The following ZNF496 variants were observed in gnomAD, a reference collection of about 807,000 sequenced individuals.
ZNF496 encodes the protein NSD1 (nuclear receptor binding SET-domain containing 1)-interacting zinc finger protein 1.
ZNF496 carries 11 observed loss-of-function variants against 58.9 expected under a neutral mutation model. The ratio of observed to expected loss-of-function variants is 0.19; its 90% CI spans 0.12 to 0.31. ZNF496 has a LOEUF of 0.31. Among genes scored for constraint, ZNF496 ranks in the 10% least tolerant of loss-of-function variants. ZNF496 has a pLI of 1.00. For synonymous variants in ZNF496, 338 were observed against 318.2 expected, an observed-to-expected ratio of 1.06 and a Z score of -0.66; for missense variants, 660 against 783.0, an observed-to-expected ratio of 0.84 and a Z score of 1.88.
intron 6 of ZNF496, among the ~76,000 whole-genome samples, chr1:247,315,988 A>G (rs979550661): frequency 6.6e-6 from 1 of 152,186 alleles, no homozygotes; most frequent in Admixed American, 6.5e-5. Context: ...AATCCAAAAC[A>G]GGCCTCGGGA....
chr1:247,304,779 G>T (rs1484635188), intron 9 of ZNF496, among the ~76,000 whole-genome samples: 1 of 152,150 alleles, frequency 6.6e-6, no homozygotes, highest in East Asian at 1.9e-4. Flanking sequence ...TCTCACAGTT[G>T]TATTTTGGAA....
intron 6 of ZNF496, among the ~76,000 whole-genome samples, chr1:247,320,908 CTCACGCCTGTAA>C (rs1168290426): frequency 6.6e-6 from 1 of 152,174 alleles, no homozygotes; most frequent in African/African-American, 2.4e-5. Context: ...GGCATGGTGG[CTCACGCCTGTAA>C]TCCCAGCACT....
intron 9 of ZNF496, among the ~76,000 whole-genome samples, chr1:247,302,112 G>A (rs539790893): frequency 2.4e-4 from 37 of 152,208 alleles, no homozygotes; most frequent in African/African-American, 8.9e-4. Flanking sequence ...CACCATACAG[G>A]TGGCCTGTTT....
rs753571282 is a variant in ZNF496 at position 247,309,648 on chromosome 1, C to A, written c.892+51G>T. The stretch of plus-strand genomic sequence containing the variant: ...AGAGAGTGGGCTCACCTCCGGCTGC[C>A]AGCAACCCTTCCCCCTACTCTGTCC... On this transcript the variant is annotated intron_variant, in intron 8 of 9. Coordinates refer to ENST00000682384, the MANE Select transcript of ZNF496 (RefSeq NM_032752.3). The surrounding 1 kb of genome is among the most constrained non-coding windows in gnomAD (Gnocchi z 4.3). The A allele has an allele frequency of 6.2e-7, 1 of 1,606,288 alleles. No individual in the cohort carries two copies. Among genetic ancestry groups the A allele is most frequent in the Non-Finnish European group, 8.5e-7 (1 of 1,175,624 alleles).
rs767819804 is a variant in ZNF496 at position 247,300,565 on chromosome 1, C to T, written c.1718G>A (p.Arg573His). The change falls in exon 10 of 10, where the codon CGC becomes CAC. Residue 573 changes from arginine (R) to histidine (H), a missense_variant. By Grantham distance (29) the Arg-to-His change is conservative. Transcript: ENST00000682384. This position sits in a 1 kb window ranked among gnomAD's most constrained non-coding sequence, Gnocchi z 5.7. Reference protein sequence around the residue: ...TQNYDLLRHERLHMKRRSKQA... With the variant: ...TQNYDLLRHEHLHMKRRSKQA... ...CTTGGAACGGCGCTTCATGTGCAGG[C>T]GCTCGTGGCGGAGGAGGTCATAGTT... 1 of 1,612,406 alleles carries T rather than the reference C, an allele frequency of 6.2e-7. No individual in the cohort carries two copies. The highest frequency in any genetic ancestry group is 1.1e-5 in the South Asian group (1 of 91,018).
In ZNF496 at chr1:247,329,163, G is replaced by A. The variant is rs763332035; in HGVS notation, c.390+26C>T. 30 of 1,612,942 alleles carry A rather than the reference G, an allele frequency of 1.9e-5. No individual in the cohort carries two copies. Among genetic ancestry groups the A allele is most frequent in the South Asian group, 3.3e-5 (3 of 91,084 alleles). On this transcript the variant is annotated intron_variant, in intron 4 of 9. Transcript: ENST00000682384. This position sits in a 1 kb window ranked among gnomAD's most constrained non-coding sequence, Gnocchi z 5.5. The stretch of plus-strand genomic sequence containing the variant: ...GTGTCTAAGTACCAGATCTCTACCC[G>A]TCCCAGCCCCACCTCTTCTACTCAC...
chr1:247,328,748 G>C lies in ZNF496; in HGVS notation c.509C>G (p.Pro170Arg). 6.2e-7 allele frequency: 1 copy of C among 1,613,688 alleles called. No individual in the cohort carries two copies. The highest frequency in any genetic ancestry group is 8.5e-7 in the Non-Finnish European group (1 of 1,179,856). ...CCCCAGGCACTGTGCCAGGGTTATG[G>C]GCTGGGCATCCTGGTTCTTTGCAAG... is the stretch of plus-strand genomic sequence containing the variant. Reference protein sequence around the residue: ...SDLAKNQDAQPITLAQCLGLP... With the variant: ...SDLAKNQDAQRITLAQCLGLP... The change falls in exon 5 of 10, where the codon CCC (proline) becomes CGC (arginine). Residue 170 changes from proline to arginine, a missense_variant. Physicochemically the swap from Pro to Arg is moderately radical, Grantham distance 103. Transcript: ENST00000682384.
At chr1:247,331,370 C>T (rs1234367254) in intron 2 of ZNF496, 62 bp downstream of exon 2, 2 of 152,236 alleles carry the variant, frequency 1.3e-5, no homozygotes, top group Non-Finnish European at 2.9e-5. Context: ...GGAGCCCGCC[C>T]TCCGCGCCCT....
In ZNF496 at chr1:247,330,699, C is replaced by T. The variant is rs190192863; in HGVS notation, c.-153-618G>A. On this transcript the variant is annotated intron_variant, in intron 2 of 9. Coordinates refer to ENST00000682384, the MANE Select transcript of ZNF496 (RefSeq NM_032752.3). ...CACAGTCCCCTTCTCTGCCATCAGG[C>T]CTCTGTGATCCTTAGGACCGGCAGT... Among the ~76,000 whole-genome samples the T allele has an allele frequency of 2.7e-3, 418 of 152,372 alleles. 1 individual carries two copies. Among genetic ancestry groups the T allele is most frequent in the African/African-American group, 9.5e-3 (395 of 41,586 alleles).
chr1:247,319,879 C>T (rs546185490), intron 6 of ZNF496, among the ~76,000 whole-genome samples: 33 of 152,196 alleles, frequency 2.2e-4, no homozygotes, highest in Middle Eastern at 3.4e-3. Flanking sequence ...GCTGAGATCG[C>T]GCCACTGCAC....
chr1:247,327,111 C>T (rs189234104), intron 5 of ZNF496, among the ~76,000 whole-genome samples: 43 of 152,246 alleles, frequency 2.8e-4, no homozygotes, highest in Admixed American at 2.6e-3. Flanking sequence ...TTTACCCAGG[C>T]TGGAATGCAA....
Position 247,329,944 on chromosome 1 carries a change from T to C in ZNF496, c.-38+22A>G. 4.7e-6 allele frequency: 1 copy of C among 213,430 alleles called. No homozygotes were observed. 13.2% of individuals were successfully genotyped at this position (213,430 alleles called of 1,614,324 possible). A position where few individuals can be genotyped will look rare whatever the true frequency, so the allele number is the denominator to read the frequency against. On this transcript the variant is annotated intron_variant, in intron 3 of 9. Transcript: ENST00000682384. This position sits in a 1 kb window ranked among gnomAD's most constrained non-coding sequence, Gnocchi z 5.5. ...GGAAACCAACAGCGCCACATGCAGA[T>C]GTAATCAAGACGCTCTGGTACCTTG... is the stretch of plus-strand genomic sequence containing the variant.
chr1:247,329,635 A>G lies in ZNF496; in HGVS notation c.-37-20T>C, dbSNP rs1660252484. 6.6e-7 allele frequency: 1 copy of G among 1,512,860 alleles called. No individual in the cohort carries two copies. The highest frequency in any genetic ancestry group is 8.8e-7 in the Non-Finnish European group (1 of 1,134,006). 93.7% of individuals were successfully genotyped at this position (1,512,860 alleles called of 1,614,324 possible). ...ACGACCCTATTTCCAAACAGAAATCACTGGCTTCAGTGTTCTGGTCTCCTG... is the reference window on the plus strand; with the variant it reads ...ACGACCCTATTTCCAAACAGAAATCGCTGGCTTCAGTGTTCTGGTCTCCTG... On this transcript the variant is annotated intron_variant, in intron 3 of 9. Transcript: ENST00000682384. This position sits in a 1 kb window ranked among gnomAD's most constrained non-coding sequence, Gnocchi z 5.5.
chr1:247,310,091 A>G, intron 7 of ZNF496: 2 of 1,430,374 alleles, frequency 1.4e-6, no homozygotes, highest in Admixed American at 2.9e-5. Context: ...CACATGTTCT[A>G]TTTGGTTCTG....
At chr1:247,330,764 G>C (rs1474450373) in intron 2 of ZNF496, among the ~76,000 whole-genome samples, 3 of 152,246 alleles carry the variant, frequency 2.0e-5, no homozygotes, top group Non-Finnish European at 4.4e-5. Context: ...GTCCAGCGTG[G>C]CCGCGTCTTA....
intron 2 of ZNF496, 141 bp downstream of exon 2, chr1:247,331,291 T>G (rs1344754258): frequency 6.6e-6 from 1 of 152,462 alleles, no homozygotes; most frequent in Non-Finnish European, 1.5e-5. Context: ...CTCCCAGCCT[T>G]TCGCGGAGGA....
intron 6 of ZNF496, among the ~76,000 whole-genome samples, chr1:247,317,576 C>T (rs1035510818): frequency 4.6e-5 from 7 of 152,066 alleles, no homozygotes; most frequent in South Asian, 2.1e-4. Flanking sequence ...ACAAGCCCCC[C>T]CCCCGCCACC....
chr1:247,322,826 G>T (rs1428099661), intron 6 of ZNF496: 1 of 1,303,328 alleles, frequency 7.7e-7, no homozygotes, highest in Non-Finnish European at 1.0e-6. Context: ...AAAGAGCAGA[G>T]AGATCTCCTT....
In ZNF496 at chr1:247,298,233, T is replaced by C. The variant is rs944936594; in HGVS notation, c.*2286A>G. On this transcript the variant is annotated 3_prime_UTR_variant, in exon 10 of 10. Transcript: ENST00000682384. ...TGTGTTCAAAGTATAACCAAATGAT[T>C]TTATTGCATTTACTGCTCCTGGGCA... is the stretch of plus-strand genomic sequence containing the variant. 6.6e-6 allele frequency: 1 copy of C among 152,226 alleles called. No individual in the cohort carries two copies. Among genetic ancestry groups the C allele is most frequent in the African/African-American group, 2.4e-5 (1 of 41,460 alleles). 9.4% of individuals were successfully genotyped at this position (152,226 alleles called of 1,614,324 possible). A position where few individuals can be genotyped will look rare whatever the true frequency, so the allele number is the denominator to read the frequency against.
Sources: gnomAD v4.1 joint callset for allele counts (sites outside exome capture counted in the v4.1 genomes callset) on GRCh38, gnomAD v4.1.1 for gene constraint, Gnocchi (gnomAD v3.1) non-coding constraint, MANE v1.5 for transcripts, NCBI Gene and HGNC (gene_info 2026-07-23, HGNC 2026-07-21) for gene names.